PTPRD: variants seen among roughly 807,000 people sequenced by gnomAD.
PTPRD encodes the protein protein tyrosine phosphatase receptor type D, also known as receptor-type tyrosine-protein phosphatase delta.
Under a neutral mutation model 214.5 loss-of-function variants are expected in PTPRD, and 34 were observed. The observed-to-expected ratio is 0.16, with a 90% CI of 0.12 to 0.21. The LOEUF is 0.21. Ranked by LOEUF, PTPRD falls within the 10% of genes least tolerant of loss-of-function variation. The pLI is 1.00. For missense variants in PTPRD, 2,545 were observed against 2,398.7 expected (o/e 1.06, Z -1.27); for synonymous variants, 1,128 against 845.7 (o/e 1.33, Z -5.79).
chr9:8,846,282 C>G (rs1397170104), intron 11 of PTPRD, among the ~76,000 whole-genome samples: 1 of 152,168 alleles, frequency 6.6e-6, no homozygotes. Context: ...TAATTCACCT[C>G]TGAGTTTTCT....
At chr9:8,408,612 A>C (rs1487043772) in intron 35 of PTPRD, among the ~76,000 whole-genome samples, 1 of 152,200 alleles carries the variant, frequency 6.6e-6, no homozygotes, top group Non-Finnish European at 1.5e-5. Flanking sequence ...GAATTCACAA[A>C]AATGCTACTT....
At chr9:8,357,789 T>C (rs748023557) in intron 39 of PTPRD, among the ~76,000 whole-genome samples, 1 of 152,180 alleles carries the variant, frequency 6.6e-6, no homozygotes, top group Non-Finnish European at 1.5e-5. Context: ...GGATGCAGCA[T>C]ACATTTCCAT....
chr9:10,454,843 A>G (rs1183907074), intron 2 of PTPRD, among the ~76,000 whole-genome samples: 1 of 151,634 alleles, frequency 6.6e-6, no homozygotes. Flanking sequence ...ACATGCACAC[A>G]CACATATAAT....
At chr9:9,863,082 G>A (rs990609496) in intron 5 of PTPRD, among the ~76,000 whole-genome samples, 1 of 152,074 alleles carries the variant, frequency 6.6e-6, no homozygotes, top group Admixed American at 6.6e-5. Flanking sequence ...AAATATTTGA[G>A]TGCCTGAAGT....
chr9:10,529,847 T>C (rs965295178), intron 2 of PTPRD, among the ~76,000 whole-genome samples: 1 of 151,760 alleles, frequency 6.6e-6, no homozygotes, highest in African/African-American at 2.4e-5. Context: ...AAGTGGGAGT[T>C]GGACAATGAG....
intron 8 of PTPRD, among the ~76,000 whole-genome samples, chr9:9,492,737 T>C (rs939399260): frequency 6.6e-6 from 1 of 151,708 alleles, no homozygotes; most frequent in African/African-American, 2.4e-5. Flanking sequence ...TTTTTCCAGA[T>C]TGGAGGTTTA....
chr9:9,208,354 C>G (rs924301214), intron 9 of PTPRD, among the ~76,000 whole-genome samples: 1 of 151,660 alleles, frequency 6.6e-6, no homozygotes, highest in Non-Finnish European at 1.5e-5. Context: ...GGAGGACAAA[C>G]CATAAATCTG....
chr9:9,756,603 G>A (rs1232224059), intron 6 of PTPRD, among the ~76,000 whole-genome samples: 1 of 152,118 alleles, frequency 6.6e-6, no homozygotes, highest in Non-Finnish European at 1.5e-5. Flanking sequence ...ACTGTTTAGT[G>A]GATACAGAGT....
intron 5 of PTPRD, among the ~76,000 whole-genome samples, chr9:9,916,622 A>C (rs181956463): frequency 6.6e-6 from 1 of 152,126 alleles, no homozygotes; most frequent in Non-Finnish European, 1.5e-5. Context: ...AAAGTTATAA[A>C]AAAAGATGTT....
chr9:8,420,829 A>G (rs2094310036), intron 35 of PTPRD, among the ~76,000 whole-genome samples: 1 of 149,374 alleles, frequency 6.7e-6, no homozygotes, highest in Non-Finnish European at 1.5e-5. Context: ...AAAAAAAGAA[A>G]ATATAAAGAC....
intron 4 of PTPRD, among the ~76,000 whole-genome samples, chr9:10,002,455 C>T (rs999962316): frequency 2.0e-5 from 3 of 149,846 alleles, no homozygotes; most frequent in Non-Finnish European, 3.0e-5. Flanking sequence ...ACACTAAATT[C>T]AAAGACACAA....
At chr9:9,391,749 G>C (rs1016047153) in intron 9 of PTPRD, among the ~76,000 whole-genome samples, 1 of 152,142 alleles carries the variant, frequency 6.6e-6, no homozygotes, top group Non-Finnish European at 1.5e-5. Flanking sequence ...GGAAAAACAT[G>C]GGAGGTGGGC....
At position 8,786,033 on chromosome 9, in the gene PTPRD, TTGTGTGTGTGTGTGTGTGTG is replaced by T. The variant is rs34200290; in HGVS notation, c.-103-52107_-103-52088del. 9.1e-5 allele frequency among the ~76,000 whole-genome samples: 13 copies of T among 143,328 alleles called. No homozygotes were observed. In the South Asian group the frequency reaches 2.9e-3, roughly 32 times the overall value. 94.0% of individuals were successfully genotyped at this position (143,328 alleles called of 152,430 possible). On this transcript the variant is annotated intron_variant, in intron 11 of 45. Transcript: ENST00000381196. Reference sequence around the variant, plus strand: ...GCAGTCTGAGAAGCCGCTTAATTTGTTGTGTGTGTGTGTGTGTGTGTGTGTGTGTGTGTGTGTACCTCATA... The same window carrying T: ...GCAGTCTGAGAAGCCGCTTAATTTGTTGTGTGTGTGTGTGTGTACCTCATA...
Position 9,529,251 on chromosome 9 carries a change from T to C in PTPRD, c.-237+45481A>G, listed in dbSNP as rs552906815. The stretch of plus-strand genomic sequence containing the variant: ...CCACCGAATTTACCAGTTTCTTAGA[T>C]TGAAATCTAAAAACTCCAAACAAAA... On this transcript the variant is annotated intron_variant, in intron 8 of 45. Transcript: ENST00000381196. Among the ~76,000 whole-genome samples, 17 of 150,476 alleles carry C rather than the reference T, an allele frequency of 1.1e-4. No individual in the cohort carries two copies. The South Asian group carries it at 2.7e-3, about 24-fold the overall frequency.
At chr9:9,295,890 T>C (rs923072732) in intron 9 of PTPRD, among the ~76,000 whole-genome samples, 12 of 151,878 alleles carry the variant, frequency 7.9e-5, no homozygotes, top group Admixed American at 6.6e-5. Context: ...TTTCACATTG[T>C]AAAGCCTCTC....
chr9:9,224,615 T>C (rs1038357651), intron 9 of PTPRD, among the ~76,000 whole-genome samples: 1 of 152,002 alleles, frequency 6.6e-6, no homozygotes, highest in African/African-American at 2.4e-5. Flanking sequence ...GTATTAATTA[T>C]GGTTATATTT....
chr9:9,837,418 A>C (rs1358331754), intron 5 of PTPRD, among the ~76,000 whole-genome samples: 1 of 152,094 alleles, frequency 6.6e-6, no homozygotes, highest in Non-Finnish European at 1.5e-5. Flanking sequence ...TCAATAACCA[A>C]ATTTTAGGTT....
intron 2 of PTPRD, among the ~76,000 whole-genome samples, chr9:10,596,238 A>C (rs1001962260): frequency 1.3e-5 from 2 of 151,752 alleles, no homozygotes; most frequent in Non-Finnish European, 2.9e-5. Context: ...GACTACTTCT[A>C]AATCTCAGGT....
chr9:10,345,430 C>T (rs1031579788), intron 2 of PTPRD, among the ~76,000 whole-genome samples: 4 of 151,206 alleles, frequency 2.6e-5, no homozygotes, highest in Non-Finnish European at 5.9e-5. Flanking sequence ...CCCCACCCCC[C>T]ACATGCCCCA....
Sources: gnomAD v4.1 joint callset for allele counts (sites outside exome capture counted in the v4.1 genomes callset) on GRCh38, gnomAD v4.1.1 for gene constraint, MANE v1.5 for transcripts, NCBI Gene and HGNC (gene_info 2026-07-23, HGNC 2026-07-21) for gene names.